Variants in LMX1A observed in about 807,000 individuals in gnomAD.
The protein encoded by LMX1A is LIM homeobox transcription factor 1-alpha.
Under a neutral mutation model 49.1 loss-of-function variants are expected in LMX1A, and 15 were observed. The ratio of observed to expected loss-of-function variants is 0.31; its 90% CI spans 0.20 to 0.47. The LOEUF (loss-of-function observed/expected upper bound fraction) is 0.47, where lower values mean the gene tolerates loss of function less well. Among genes scored for constraint, LMX1A ranks in the 20% least tolerant of loss-of-function variants. LMX1A has a pLI of 1.00. For missense variants in LMX1A, 372 were observed against 475.8 expected (o/e 0.78, Z 2.03); for synonymous variants, 167 against 185.7 (o/e 0.90, Z 0.82).
Position 165,204,053 on chromosome 1 carries a change from T to A in LMX1A, c.989-13A>T, listed in dbSNP as rs191269125. ...AGGGGCTCGGCACCTGAAATGGAGA[T>A]GAAACACTGGCATGAGGGTCTTGAA... On this transcript the variant is annotated splice_polypyrimidine_tract_variant and intron_variant, in intron 8 of 8. Transcript: ENST00000342310. 13 of 1,613,432 alleles carry A rather than the reference T, an allele frequency of 8.1e-6. No individual in the cohort carries two copies. Among genetic ancestry groups the A allele is most frequent in the East Asian group, 2.2e-5 (1 of 44,890 alleles).
intron 5 of LMX1A, among the ~76,000 whole-genome samples, chr1:165,212,487 T>C (rs567421352): frequency 5.6e-4 from 81 of 144,136 alleles, no homozygotes; most frequent in Non-Finnish European, 1.0e-3. Context: ...AAATACATGT[T>C]TGTTGGGAAC....
chr1:165,216,580 A>C (rs1012438151), intron 4 of LMX1A, among the ~76,000 whole-genome samples: 18 of 152,206 alleles, frequency 1.2e-4, no homozygotes, highest in African/African-American at 4.3e-4. Flanking sequence ...TTCCCAGTAT[A>C]GAATATATTT....
chr1:165,211,353 G>A (rs1651383296), intron 5 of LMX1A: 1 of 152,336 alleles, frequency 6.6e-6, no homozygotes, highest in Admixed American at 6.5e-5. Context: ...CAACTCTGAG[G>A]CCAGCACATG....
chr1:165,319,866 A>G (rs1235912581), intron 3 of LMX1A, among the ~76,000 whole-genome samples: 13 of 152,146 alleles, frequency 8.5e-5, no homozygotes, highest in Non-Finnish European at 1.3e-4. Context: ...TTTTCCAAAT[A>G]TTCTCTACTA....
At chr1:165,313,655 A>G (rs1655140412) in intron 3 of LMX1A, among the ~76,000 whole-genome samples, 1 of 152,052 alleles carries the variant, frequency 6.6e-6, no homozygotes, top group African/African-American at 2.4e-5. Context: ...CAGTTACCAG[A>G]GCCCACGAAG....
At chr1:165,275,847 ATGTGTGTGTGTGTGTGTGTGTG>A (rs529022372) in intron 3 of LMX1A, among the ~76,000 whole-genome samples, 1 of 138,964 alleles carries the variant, frequency 7.2e-6, no homozygotes, top group Non-Finnish European at 1.5e-5. Flanking sequence ...GTGTGTGTGT[ATGTGTGTGTGTGTGTGTGTGTG>A]TGTGTGTGTG....
chr1:165,277,107 G>C (rs1367121085), intron 3 of LMX1A, among the ~76,000 whole-genome samples: 1 of 152,234 alleles, frequency 6.6e-6, no homozygotes, highest in East Asian at 1.9e-4. Context: ...CCACTTGACT[G>C]TTTGCCACAG....
intron 4 of LMX1A, among the ~76,000 whole-genome samples, chr1:165,234,583 C>T (rs565424401): frequency 3.7e-4 from 56 of 152,238 alleles, no homozygotes; most frequent in African/African-American, 1.0e-3. Flanking sequence ...CAGATATAGA[C>T]GGGCTTTCAA....
chr1:165,254,982 G>C (rs1280200229), intron 3 of LMX1A, among the ~76,000 whole-genome samples: 1 of 152,156 alleles, frequency 6.6e-6, no homozygotes, highest in Non-Finnish European at 1.5e-5. Flanking sequence ...TCTACCTCCT[G>C]GAAAAGCATC....
At chr1:165,334,656 AAATTC>A (rs1181689252) in intron 3 of LMX1A, among the ~76,000 whole-genome samples, 11 of 130,996 alleles carry the variant, frequency 8.4e-5, no homozygotes, top group Non-Finnish European at 1.5e-4. Flanking sequence ...TGCTTAAATT[AAATTC>A]TTTTTATGCT....
intron 4 of LMX1A, among the ~76,000 whole-genome samples, chr1:165,244,716 T>A (rs1239658805): frequency 2.6e-5 from 4 of 152,170 alleles, no homozygotes; most frequent in Admixed American, 6.5e-5. Context: ...GAACTTGGAC[T>A]GGATAAACTC....
At chr1:165,344,637 C>T (rs72687731) in intron 3 of LMX1A, among the ~76,000 whole-genome samples, 1 of 152,236 alleles carries the variant, frequency 6.6e-6, no homozygotes, top group Non-Finnish European at 1.5e-5. Flanking sequence ...ACCAGGAATG[C>T]CTGGGGGATG....
intron 3 of LMX1A, among the ~76,000 whole-genome samples, chr1:165,291,170 C>G (rs564027250): frequency 6.6e-6 from 1 of 152,320 alleles, no homozygotes; most frequent in East Asian, 1.9e-4. Flanking sequence ...TTGCACAGCC[C>G]CACGCTTGAG....
chr1:165,221,973 T>C (rs1651868608), intron 4 of LMX1A, among the ~76,000 whole-genome samples: 1 of 151,810 alleles, frequency 6.6e-6, no homozygotes, highest in Non-Finnish European at 1.5e-5. Flanking sequence ...GCTTTCTCTC[T>C]CTCTCCATCA....
intron 3 of LMX1A, among the ~76,000 whole-genome samples, chr1:165,264,250 G>A (rs747493394): frequency 9.9e-5 from 15 of 152,092 alleles, no homozygotes; most frequent in Non-Finnish European, 1.9e-4. Context: ...CATCTTGGAT[G>A]CCTTTCATAT....
At chr1:165,255,246 C>T (rs1653196276) in intron 3 of LMX1A, among the ~76,000 whole-genome samples, 2 of 152,232 alleles carry the variant, frequency 1.3e-5, no homozygotes, top group South Asian at 4.1e-4. Context: ...GTCACAGAAT[C>T]TTTTGTCTCA....
intron 3 of LMX1A, among the ~76,000 whole-genome samples, chr1:165,257,238 T>C (rs113105657): frequency 6.6e-6 from 1 of 152,048 alleles, no homozygotes; most frequent in African/African-American, 2.4e-5. Context: ...AGAACCACTC[T>C]GGGATGGCGA....
chr1:165,238,749 T>C (rs1652539013), intron 4 of LMX1A, among the ~76,000 whole-genome samples: 1 of 152,198 alleles, frequency 6.6e-6, no homozygotes, highest in Admixed American at 6.5e-5. Context: ...CAGTGAAACC[T>C]GAGAACAAAA....
chr1:165,256,865 G>C (rs1037921752), intron 3 of LMX1A, among the ~76,000 whole-genome samples: 1 of 152,072 alleles, frequency 6.6e-6, no homozygotes, highest in East Asian at 1.9e-4. Context: ...ATTTCGGGAT[G>C]CAACAGCACA....
Sources: gnomAD v4.1 joint callset for allele counts (sites outside exome capture counted in the v4.1 genomes callset) on GRCh38, gnomAD v4.1.1 for gene constraint, MANE v1.5 for transcripts, NCBI Gene and HGNC (gene_info 2026-07-23, HGNC 2026-07-21) for gene names.